DLGAP2: variants seen among roughly 807,000 people sequenced by gnomAD.
The protein encoded by DLGAP2 is DLG associated protein 2.
DLGAP2 carries 26 observed loss-of-function variants against 100.3 expected under a neutral mutation model. That is an observed-to-expected ratio of 0.26 (90% CI 0.19 to 0.36). The LOEUF is 0.36. Ranked by LOEUF, DLGAP2 falls within the 10% of genes least tolerant of loss-of-function variation. DLGAP2 has a pLI of 1.00. For synonymous variants in DLGAP2, 886 were observed against 630.1 expected (o/e 1.41, Z -6.08); for missense variants, 1,858 against 1,453.2 (o/e 1.28, Z -4.53).
intron 2 of DLGAP2, among the ~76,000 whole-genome samples, chr8:1,132,844 T>C (rs1796325070): frequency 6.6e-6 from 1 of 152,208 alleles, no homozygotes; most frequent in African/African-American, 2.4e-5. Context: ...GGATCATAGA[T>C]GGATTCAGAG....
chr8:1,561,538 C>T (rs997579491), intron 5 of DLGAP2, among the ~76,000 whole-genome samples: 1 of 152,176 alleles, frequency 6.6e-6, no homozygotes, highest in African/African-American at 2.4e-5. Context: ...ACCCTCTCCT[C>T]ATCACAGCAT....
intron 3 of DLGAP2, among the ~76,000 whole-genome samples, chr8:1,426,728 T>C (rs1439458213): frequency 6.6e-6 from 1 of 152,146 alleles, no homozygotes; most frequent in Non-Finnish European, 1.5e-5. Context: ...AGTAAAAACA[T>C]ATGCAAGAAG....
At chr8:836,582 T>G (rs760231825) in intron 1 of DLGAP2, among the ~76,000 whole-genome samples, 17 of 152,092 alleles carry the variant, frequency 1.1e-4, no homozygotes, top group Non-Finnish European at 2.2e-4. Flanking sequence ...CAGCGTCTTG[T>G]GGGAATAAAG....
chr8:1,260,431 C>T (rs1799322630), intron 3 of DLGAP2, among the ~76,000 whole-genome samples: 1 of 152,140 alleles, frequency 6.6e-6, no homozygotes, highest in South Asian at 2.1e-4. Flanking sequence ...TCTGCCTCTG[C>T]CAAGGACAGT....
intron 3 of DLGAP2, among the ~76,000 whole-genome samples, chr8:1,282,416 G>C (rs1429058614): frequency 3.6e-5 from 4 of 112,110 alleles, no homozygotes; most frequent in Non-Finnish European, 3.7e-5. Context: ...TGAACCCAGC[G>C]CCCTGAACCA....
chr8:860,349 C>A (rs1216119124), intron 1 of DLGAP2, among the ~76,000 whole-genome samples: 1 of 152,242 alleles, frequency 6.6e-6, no homozygotes, highest in Non-Finnish European at 1.5e-5. Context: ...CAGCGAATAG[C>A]AGAGCTTCTG....
chr8:1,486,151 C>A (rs1415277021), intron 3 of DLGAP2, among the ~76,000 whole-genome samples: 1 of 152,200 alleles, frequency 6.6e-6, no homozygotes, highest in East Asian at 1.9e-4. Flanking sequence ...TTCAGAACCA[C>A]CCTTGGCACA....
intron 2 of DLGAP2, among the ~76,000 whole-genome samples, chr8:1,234,857 A>G (rs1208816507): frequency 6.6e-6 from 1 of 152,190 alleles, no homozygotes; most frequent in Non-Finnish European, 1.5e-5. Flanking sequence ...GGACTGTTCA[A>G]CACTTAACTG....
intron 3 of DLGAP2, among the ~76,000 whole-genome samples, chr8:1,279,998 G>C (rs1799783819): frequency 6.6e-6 from 1 of 152,202 alleles, no homozygotes; most frequent in Non-Finnish European, 1.5e-5. Flanking sequence ...GAAGTAACAT[G>C]AACAAAAGTT....
At chr8:867,649 C>T (rs1019174490) in intron 1 of DLGAP2, among the ~76,000 whole-genome samples, 1 of 152,198 alleles carries the variant, frequency 6.6e-6, no homozygotes, top group Non-Finnish European at 1.5e-5. Context: ...CTGACACTGG[C>T]TCGGGTGTAG....
chr8:795,735 C>T (rs111817852), intron 1 of DLGAP2, among the ~76,000 whole-genome samples: 43 of 127,700 alleles, frequency 3.4e-4, no homozygotes, highest in African/African-American at 8.7e-4. Context: ...TGAGAGCAGG[C>T]GTCCAGTGAG....
chr8:1,108,832 A>G (rs1585068071), intron 2 of DLGAP2, among the ~76,000 whole-genome samples: 2 of 110,182 alleles, frequency 1.8e-5, no homozygotes, highest in Non-Finnish European at 3.6e-5. Context: ...GCATGTGCCT[A>G]TGAAGTGTGC....
At chr8:1,059,441 C>G (rs1026204538) in intron 2 of DLGAP2, among the ~76,000 whole-genome samples, 4 of 152,192 alleles carry the variant, frequency 2.6e-5, no homozygotes, top group Non-Finnish European at 5.9e-5. Context: ...GCCTCAGTTT[C>G]TCCCTCCATG....
intron 2 of DLGAP2, among the ~76,000 whole-genome samples, chr8:925,603 G>C (rs1798797075): frequency 6.6e-6 from 1 of 152,134 alleles, no homozygotes; most frequent in Non-Finnish European, 1.5e-5. Context: ...AGGTGTATTA[G>C]GGCCCTCCAG....
chr8:915,976 C>T (rs1798584508), intron 2 of DLGAP2, among the ~76,000 whole-genome samples: 1 of 151,286 alleles, frequency 6.6e-6, no homozygotes, highest in Non-Finnish European at 1.5e-5. Flanking sequence ...CCCGTCCGTC[C>T]ATCTGTCCCA....
chr8:1,516,219 G>C (rs1027250823), intron 4 of DLGAP2, among the ~76,000 whole-genome samples: 1 of 152,122 alleles, frequency 6.6e-6, no homozygotes, highest in Non-Finnish European at 1.5e-5. Flanking sequence ...GCATGAATGA[G>C]TGAGTGAATG....
chr8:893,614 CA>C (rs1353150578), intron 1 of DLGAP2, among the ~76,000 whole-genome samples: 1 of 152,214 alleles, frequency 6.6e-6, no homozygotes, highest in East Asian at 1.9e-4. Flanking sequence ...CGGAAGCTGT[CA>C]GGAGGGTCTT....
chr8:1,381,900 T>G (rs746591321), intron 3 of DLGAP2, among the ~76,000 whole-genome samples: 6 of 151,790 alleles, frequency 4.0e-5, no homozygotes, highest in Non-Finnish European at 8.8e-5. Flanking sequence ...TAAGGAAATA[T>G]AAAATGTACG....
At chr8:1,638,539 C>A (rs528946830) in intron 8 of DLGAP2, among the ~76,000 whole-genome samples, 1 of 152,122 alleles carries the variant, frequency 6.6e-6, no homozygotes, top group African/African-American at 2.4e-5. Flanking sequence ...GCGGCCCGGC[C>A]GTACTGCAGA....
Sources: allele counts gnomAD v4.1 joint callset (sites outside exome capture counted in the v4.1 genomes callset), GRCh38; gene constraint gnomAD v4.1.1; transcripts MANE v1.5; gene names NCBI Gene and HGNC (gene_info 2026-07-23, HGNC 2026-07-21).